MCF2: variants seen among roughly 807,000 people sequenced by gnomAD.
The protein encoded by MCF2 is proto-oncogene DBL.
MCF2 carries 44 observed loss-of-function variants against 82.5 expected under a neutral mutation model. The observed-to-expected ratio is 0.53, with a 90% CI of 0.42 to 0.69. MCF2 has a LOEUF of 0.69. Ranked by LOEUF, MCF2 falls within the 30% of genes least tolerant of loss-of-function variation. The probability of loss-of-function intolerance (pLI) is 0.00; values close to 1 mark genes in which losing one functional copy is unlikely to be tolerated. For synonymous variants in MCF2, 217 were observed against 224.9 expected (o/e 0.96, Z 0.32); for missense variants, 623 against 663.1 (o/e 0.94, Z 0.66).
At chrX:139,645,639 G>C (rs1323985537), upstream of MCF2, 1 of 1,188,807 alleles carries the variant, frequency 8.4e-7, no homozygotes. Context: ...ATGGTAAACC[G>C]GGAGTCTGAT....
At chrX:139,632,775 T>C (rs1338787389) in intron 1 of MCF2, among the ~76,000 whole-genome samples, 4 of 111,663 alleles carry the variant, frequency 3.6e-5, no homozygotes, top group African/African-American at 9.8e-5. Flanking sequence ...TTATTTCCTA[T>C]AAAAACAAAT....
At chrX:139,627,251 A>C (rs1194268660) in intron 4 of MCF2, among the ~76,000 whole-genome samples, 2 of 111,849 alleles carry the variant, frequency 1.8e-5, no homozygotes, top group Non-Finnish European at 1.9e-5. Flanking sequence ...TAACACTTTT[A>C]ATGAGCTCAA....
At chrX:139,586,716 A>C (rs552143709) in intron 22 of MCF2, among the ~76,000 whole-genome samples, 10 of 110,703 alleles carry the variant, frequency 9.0e-5, no homozygotes, top group African/African-American at 3.3e-4. Flanking sequence ...GAGAAAAACT[A>C]CTCCCTTCTA....
chrX:139,631,552 A>C (rs1324555579), intron 2 of MCF2, 41 bp from the exon 6 acceptor site: 1 of 768,554 alleles, frequency 1.3e-6, no homozygotes, highest in African/African-American at 2.1e-5. Flanking sequence ...ACTGCCCTTC[A>C]TGCCATCCCT....
rs897863663 is a variant in MCF2 at position 139,698,193 on chromosome X, C to T, written c.-45+9913G>A. Among the ~76,000 whole-genome samples, 6 of 112,265 alleles carry T rather than the reference C, an allele frequency of 5.3e-5. No individual in the cohort carries two copies. In the Admixed American group the frequency reaches 5.6e-4, roughly 11 times the overall value. ...AAAATCCTTGCTCTGTTCTGATGGC[C>T]AAAGGCTGTGTAAAAAGTTTAAGAA... On this transcript the variant is annotated intron_variant, in intron 1 of 27. Coordinates refer to the MCF2 transcript ENST00000414978.
At chrX:139,671,675 A>C (rs754621548) in intron 1 of MCF2, among the ~76,000 whole-genome samples, 55 of 110,993 alleles carry the variant, frequency 5.0e-4, no homozygotes, top group Non-Finnish European at 8.9e-4. Context: ...TGGTCTATAT[A>C]TCTGTTTTGG....
Position 139,674,612 on chromosome X carries a change from C to T in MCF2, c.-44-22824G>A, listed in dbSNP as rs757451487. On this transcript the variant is annotated intron_variant, in intron 1 of 27. Coordinates refer to the MCF2 transcript ENST00000414978. ...AGTTTGGCTGGATATGAAATTCTGG[C>T]TTGAAAATTATTTTCTTTAAGTATG... is the stretch of plus-strand genomic sequence containing the variant. Among the ~76,000 whole-genome samples, 3 of 111,883 alleles carry T rather than the reference C, an allele frequency of 2.7e-5. No individual in the cohort carries two copies. In the South Asian group the frequency reaches 1.1e-3, roughly 42 times the overall value.
At chrX:139,631,249 G>A (rs1056016800) in intron 3 of MCF2, 146 bp downstream of exon 6, 2 of 417,754 alleles carry the variant, frequency 4.8e-6, no homozygotes, top group Non-Finnish European at 8.6e-6. Context: ...GAATTTATAT[G>A]TATGTGAAAA....
In MCF2 at chrX:139,590,399, C is replaced by T. The variant is rs896511471; in HGVS notation, c.2278-472G>A. On this transcript the variant is annotated intron_variant, in intron 19 of 24. Transcript: ENST00000370576. ...TCCTACAAGTTATAAACATCTAATT[C>T]ATGGGACAGGAGAGAACCAGCCAGG... Among the ~76,000 whole-genome samples the T allele has an allele frequency of 6.3e-5, 7 of 110,511 alleles. No individual in the cohort carries two copies. In the South Asian group the frequency reaches 2.3e-3, roughly 37 times the overall value.
At chrX:139,690,955 G>C (rs960435923) in intron 1 of MCF2, among the ~76,000 whole-genome samples, 2 of 111,148 alleles carry the variant, frequency 1.8e-5, no homozygotes, top group African/African-American at 6.6e-5. Flanking sequence ...CCATAGGAAC[G>C]CAGCCCCACA....
At chrX:139,681,552 T>C (rs1405225921) in intron 1 of MCF2, among the ~76,000 whole-genome samples, 1 of 112,536 alleles carries the variant, frequency 8.9e-6, no homozygotes, top group Non-Finnish European at 1.9e-5. Flanking sequence ...ACTTTTCCTC[T>C]TGCATTATTT....
rs769257546 is a variant in MCF2, at chrX:139,585,040, T to G, written c.2745+26A>C. The G allele has an allele frequency of 7.4e-5, 79 of 1,063,708 alleles. 1 individual carries two copies. The highest frequency in any genetic ancestry group is 1.4e-5 in the Non-Finnish European group (11 of 779,056). 87.7% of individuals were successfully genotyped at this position (1,063,708 alleles called of 1,213,427 possible). ...TTCATCAGTAAAACTGCCTCAATAATTTTAATTTACTATATTATTACTAAC... is the reference window on the plus strand; with the variant it reads ...TTCATCAGTAAAACTGCCTCAATAAGTTTAATTTACTATATTATTACTAAC... On this transcript the variant is annotated intron_variant, in intron 24 of 24. Coordinates refer to ENST00000370576, the Ensembl canonical transcript of MCF2.
intron 17 of MCF2, 152 bp downstream of exon 21, chrX:139,598,254 T>C: frequency 2.5e-6 from 1 of 404,268 alleles, no homozygotes; most frequent in East Asian, 4.5e-5. Context: ...AGTGAATTGA[T>C]GGAGCACACT....
chrX:139,694,215 C>G (rs1056673495), intron 1 of MCF2, among the ~76,000 whole-genome samples: 3 of 110,478 alleles, frequency 2.7e-5, no homozygotes, highest in Admixed American at 1.9e-4. Context: ...CTATTAGAAA[C>G]TTAACAATAT....
chrX:139,633,954 T>A (rs1306530768), intron 1 of MCF2, among the ~76,000 whole-genome samples: 3 of 111,242 alleles, frequency 2.7e-5, no homozygotes, highest in Non-Finnish European at 5.7e-5. Context: ...AAACTCCAGA[T>A]TTGGGGCTTG....
chrX:139,663,733 T>A (rs1156540901), intron 1 of MCF2, among the ~76,000 whole-genome samples: 1 of 110,725 alleles, frequency 9.0e-6, no homozygotes, highest in African/African-American at 3.3e-5. Context: ...ATTTTCTGGC[T>A]AGGTGATCTG....
intron 1 of MCF2, among the ~76,000 whole-genome samples, chrX:139,663,954 G>GT (rs1296321176): frequency 9.1e-6 from 1 of 109,722 alleles, no homozygotes; most frequent in Non-Finnish European, 1.9e-5. Context: ...GTTTTGTTTT[G>GT]TTTTTTTACT....
intron 1 of MCF2, among the ~76,000 whole-genome samples, chrX:139,663,147 T>G (rs1934402952): frequency 8.9e-6 from 1 of 112,377 alleles, no homozygotes; most frequent in Non-Finnish European, 1.9e-5. Flanking sequence ...TCTTTTCATT[T>G]GGGTAGATAC....
chrX:139,690,969 T>G (rs1935248852), intron 1 of MCF2, among the ~76,000 whole-genome samples: 1 of 111,443 alleles, frequency 9.0e-6, no homozygotes, highest in Non-Finnish European at 1.9e-5. Context: ...CCCCACAGCC[T>G]GCAGCATCCT....
Sources: allele counts gnomAD v4.1 joint callset (sites outside exome capture counted in the v4.1 genomes callset), GRCh38; gene constraint gnomAD v4.1.1; transcripts MANE v1.5; gene names NCBI Gene and HGNC (gene_info 2026-07-23, HGNC 2026-07-21).